Variants in STXBP4 observed in about 807,000 individuals in gnomAD.
The protein encoded by STXBP4 is syntaxin binding protein 4.
A neutral mutation model predicts 76.1 loss-of-function variants in STXBP4; 55 were observed. The observed-to-expected ratio is 0.72, with a 90% CI of 0.58 to 0.91. STXBP4 has a LOEUF of 0.91. Ranked by LOEUF, STXBP4 falls within the 40% of genes least tolerant of loss-of-function variation. The pLI is 0.00. For missense variants in STXBP4, 618 were observed against 636.9 expected (o/e 0.97, Z 0.32); for synonymous variants, 201 against 220.2 (o/e 0.91, Z 0.77).
intron 2 of STXBP4, 120 bp from the exon 3 acceptor site, chr17:54,986,022 A>G (rs2077622045): frequency 1.8e-6 from 1 of 569,012 alleles, no homozygotes; most frequent in South Asian, 2.4e-5. Flanking sequence ...TACATCTAAC[A>G]TCTATATACA....
chr17:55,077,549 G>C (rs185260783), intron 13 of STXBP4, among the ~76,000 whole-genome samples: 92 of 152,210 alleles, frequency 6.0e-4, no homozygotes, highest in African/African-American at 2.2e-3. Flanking sequence ...ACCCCAAACT[G>C]TAGGCCACCA....
rs61300425 is a variant in STXBP4, at chr17:55,144,005, GCACACACACACACACA to G, written c.1547+2668_1547+2683del. Among the ~76,000 whole-genome samples the G allele has an allele frequency of 6.9e-3, 957 of 138,932 alleles. 15 individuals are homozygous for G. The highest frequency in any genetic ancestry group is 0.024 in the African/African-American group (893 of 36,788). The allele number at this position is 138,932 out of a possible 152,430, so 91.1% of individuals were successfully genotyped here. A position where few individuals can be genotyped will look rare whatever the true frequency, so the allele number is the denominator to read the frequency against. On this transcript the variant is annotated intron_variant, in intron 17 of 17. Transcript: ENST00000376352. ...GGGTTGTCTGGCCCCAAAGCCACCT[GCACACACACACACACA>G]CACACACACACACACACACACACAC...
Position 55,122,178 on chromosome 17 carries a change from C to T in STXBP4, c.1490-19132C>T, listed in dbSNP as rs553083477. On this transcript the variant is annotated intron_variant, in intron 16 of 17. Coordinates refer to ENST00000376352, the MANE Select transcript of STXBP4 (RefSeq NM_178509.6). ...CTTGGGACATAAATCCTCAACAAAC[C>T]GTTGTTAAACGTTTATTATGCACCA... 4.6e-5 allele frequency among the ~76,000 whole-genome samples: 7 copies of T among 152,212 alleles called. No homozygotes were observed. In the South Asian group the frequency reaches 1.0e-3, roughly 23 times the overall value.
At chr17:55,102,417 G>A (rs1006677888) in intron 16 of STXBP4, among the ~76,000 whole-genome samples, 1 of 151,934 alleles carries the variant, frequency 6.6e-6, no homozygotes, top group Non-Finnish European at 1.5e-5. Flanking sequence ...GAGAATGATG[G>A]TTTCCAGCTT....
At chr17:55,135,197 C>A (rs2080015544) in intron 16 of STXBP4, among the ~76,000 whole-genome samples, 1 of 152,068 alleles carries the variant, frequency 6.6e-6, no homozygotes, top group African/African-American at 2.4e-5. Flanking sequence ...ACCAAATAAC[C>A]TCTAGAAATT....
At chr17:55,199,011 A>T in the STXBP4 span, among the ~76,000 whole-genome samples, 5 of 152,234 alleles carry the variant, frequency 3.3e-5, no homozygotes, top group Non-Finnish European at 7.3e-5. Context: ...ACAATTACTA[A>T]GATTAATTTA....
At chr17:55,133,699 A>G (rs1232004306) in intron 16 of STXBP4, among the ~76,000 whole-genome samples, 1 of 152,196 alleles carries the variant, frequency 6.6e-6, no homozygotes, top group Admixed American at 6.5e-5. Flanking sequence ...GTGTCTTTGC[A>G]GTCGAATAAA....
intron 7 of STXBP4, among the ~76,000 whole-genome samples, chr17:55,005,533 A>G (rs1051977360): frequency 2.6e-5 from 4 of 152,186 alleles, no homozygotes; most frequent in Non-Finnish European, 5.9e-5. Flanking sequence ...GCAAATTTTT[A>G]TGCTTAGATG....
chr17:55,019,552 A>G (rs967123408), intron 8 of STXBP4, among the ~76,000 whole-genome samples: 2 of 152,124 alleles, frequency 1.3e-5, no homozygotes, highest in African/African-American at 4.8e-5. Context: ...AGCTTTATAA[A>G]TTATGAATTA....
chr17:55,196,747 A>G, the STXBP4 span, among the ~76,000 whole-genome samples: 1 of 152,226 alleles, frequency 6.6e-6, no homozygotes, highest in Admixed American at 6.5e-5. Flanking sequence ...TATTTAAATA[A>G]TGAATGAATG....
intron 12 of STXBP4, among the ~76,000 whole-genome samples, chr17:55,069,259 G>A (rs1049981726): frequency 3.3e-5 from 5 of 151,290 alleles, no homozygotes; most frequent in African/African-American, 1.2e-4. Context: ...TAATGCTTAT[G>A]TGGATTTTCT....
the STXBP4 span, among the ~76,000 whole-genome samples, chr17:55,184,511 T>C: frequency 6.6e-6 from 1 of 152,222 alleles, no homozygotes; most frequent in African/African-American, 2.4e-5. Context: ...TCTGAAAGTA[T>C]GTATTCCTTT....
chr17:55,076,033 G>A (rs73323274), intron 13 of STXBP4, among the ~76,000 whole-genome samples: 5 of 151,948 alleles, frequency 3.3e-5, no homozygotes, highest in Admixed American at 2.6e-4. Flanking sequence ...TGGATTAGTT[G>A]TCTTTTTCAT....
intron 16 of STXBP4, among the ~76,000 whole-genome samples, chr17:55,134,297 T>C (rs2080004081): frequency 6.7e-6 from 1 of 150,342 alleles, no homozygotes; most frequent in South Asian, 2.1e-4. Flanking sequence ...ACTGAAAGGC[T>C]TTTTTTTTAA....
intron 16 of STXBP4, among the ~76,000 whole-genome samples, chr17:55,091,526 A>G (rs1272690259): frequency 1.3e-5 from 2 of 152,162 alleles, no homozygotes; most frequent in East Asian, 3.9e-4. Context: ...ACCTGACCTC[A>G]TGTGATGGGT....
At chr17:55,085,099 A>G (rs970704191) in intron 16 of STXBP4, among the ~76,000 whole-genome samples, 1 of 152,132 alleles carries the variant, frequency 6.6e-6, no homozygotes, top group African/African-American at 2.4e-5. Flanking sequence ...TCAGTAAACT[A>G]TCACAAGAAC....
chr17:55,049,175 G>A (rs1485586647), intron 12 of STXBP4, among the ~76,000 whole-genome samples: 2 of 151,878 alleles, frequency 1.3e-5, no homozygotes, highest in African/African-American at 4.8e-5. Context: ...AAAATATCAA[G>A]GCCATAGAAA....
chr17:55,103,905 C>T (rs1264574955), intron 16 of STXBP4, among the ~76,000 whole-genome samples: 1 of 152,142 alleles, frequency 6.6e-6, no homozygotes, highest in Non-Finnish European at 1.5e-5. Context: ...AATGGGACTT[C>T]ACTTACGTTG....
chr17:55,210,043 T>C, the STXBP4 span, among the ~76,000 whole-genome samples: 1 of 152,216 alleles, frequency 6.6e-6, no homozygotes, highest in Non-Finnish European at 1.5e-5. Context: ...GGCATGTTCA[T>C]GTCTGCGTGT....
Sources: allele counts gnomAD v4.1 joint callset (sites outside exome capture counted in the v4.1 genomes callset), GRCh38; gene constraint gnomAD v4.1.1; transcripts MANE v1.5; gene names NCBI Gene and HGNC (gene_info 2026-07-23, HGNC 2026-07-21).